Variants in ACAD11 observed in about 807,000 individuals in gnomAD.
ACAD11 encodes the protein acyl-CoA dehydrogenase family member 11.
ACAD11 carries 83 observed loss-of-function variants against 102.2 expected under a neutral mutation model. That is an observed-to-expected ratio of 0.81 (90% CI 0.68 to 0.97). The LOEUF (loss-of-function observed/expected upper bound fraction) is 0.97, where lower values mean the gene tolerates loss of function less well. Among genes scored for constraint, ACAD11 ranks in the 50% least tolerant of loss-of-function variants. ACAD11 has a pLI of 0.00. For synonymous variants in ACAD11, 324 were observed against 319.8 expected (o/e 1.01, Z -0.14); for missense variants, 901 against 951.7 (o/e 0.95, Z 0.70).
At chr3:132,578,156 C>T (rs1019577636) in intron 15 of ACAD11, among the ~76,000 whole-genome samples, 1 of 152,052 alleles carries the variant, frequency 6.6e-6, no homozygotes, top group Admixed American at 6.6e-5. Context: ...GTCAGGAGTT[C>T]GAGACCAGCC....
chr3:132,594,172 T>A (rs1938201393), intron 13 of ACAD11, among the ~76,000 whole-genome samples: 1 of 152,170 alleles, frequency 6.6e-6, no homozygotes, highest in Admixed American at 6.5e-5. Context: ...AAGGGCTTTG[T>A]ATGTGTCTGA....
At chr3:132,559,175 C>G (rs1936973329) in intron 19 of ACAD11, 90 bp from the exon 20 acceptor site, 1 of 893,596 alleles carries the variant, frequency 1.1e-6, no homozygotes, top group African/African-American at 1.7e-5. Context: ...TCAACCAAGA[C>G]TATATTAATT....
At chr3:132,567,826 A>G (rs780207438) in intron 17 of ACAD11, among the ~76,000 whole-genome samples, 3 of 152,192 alleles carry the variant, frequency 2.0e-5, no homozygotes, top group African/African-American at 4.8e-5. Flanking sequence ...GTCAGTTCTC[A>G]CCTCTCTTAT....
intron 17 of ACAD11, among the ~76,000 whole-genome samples, chr3:132,573,375 A>C (rs1164380766): frequency 1.3e-5 from 2 of 152,186 alleles, no homozygotes; most frequent in Non-Finnish European, 2.9e-5. Flanking sequence ...TAAATATTAA[A>C]ATATAAAGTA....
chr3:132,630,533 A>C lies in ACAD11; in HGVS notation c.867T>G (p.Ile289Met). 1 of 1,611,906 alleles carries C rather than the reference A, an allele frequency of 6.2e-7. No individual in the cohort carries two copies. Among genetic ancestry groups the C allele is most frequent in the Non-Finnish European group, 8.5e-7 (1 of 1,178,950 alleles). Residue 289 changes from isoleucine (I) to methionine (M), a missense_variant, in exon 7 of 20, where the codon ATT becomes ATG. By Grantham distance (10) the Ile-to-Met change is conservative. Transcript: ENST00000264990. Reference protein sequence around the residue: ...NSGIPSMEELISIYCRCRGIN... With the variant: ...NSGIPSMEELMSIYCRCRGIN... ...TTCCCCTGCAGCGGCAATATATTGAAATCAGTTCTTCCATTGATGGTATCC... is the reference window on the plus strand; with the variant it reads ...TTCCCCTGCAGCGGCAATATATTGACATCAGTTCTTCCATTGATGGTATCC...
intron 9 of ACAD11, 78 bp from the exon 10 acceptor site, chr3:132,619,623 A>G (rs1367761354): frequency 4.1e-6 from 3 of 739,218 alleles, no homozygotes; most frequent in Non-Finnish European, 6.6e-6. Context: ...GCTAATATCT[A>G]AAATAAACAT....
At position 132,639,521 on chromosome 3, in the gene ACAD11, G is replaced by C; in HGVS notation, c.673C>G (p.Leu225Val). 3 of 1,613,816 alleles carry C rather than the reference G, an allele frequency of 1.9e-6. No individual in the cohort carries two copies. Among genetic ancestry groups the C allele is most frequent in the Non-Finnish European group, 2.5e-6 (3 of 1,179,912 alleles). The change falls in exon 5 of 20, where the codon CTA becomes GTA. Residue 225 changes from leucine to valine, a missense_variant. Transcript: ENST00000264990. ...TTAGGGTGGAAAACTATGTTATCTA[G>C]TCTGAAATCTCCATGAATCAAATTC... ...EENLIHGDFR[L>V]DNIVFHPKEC... is the part of the protein sequence containing the mutation.
intron 9 of ACAD11, among the ~76,000 whole-genome samples, chr3:132,624,324 A>G (rs1255119395): frequency 1.3e-5 from 2 of 148,222 alleles, no homozygotes; most frequent in Non-Finnish European, 3.0e-5. Context: ...AAAAAAAAAA[A>G]GGCCGGGCGT....
rs772674624 is a variant in ACAD11 at position 132,575,943 on chromosome 3, A to C, written c.1847-17T>G. On this transcript the variant is annotated splice_polypyrimidine_tract_variant and intron_variant, in intron 16 of 19. Transcript: ENST00000264990. Reference sequence around the variant, plus strand: ...TACCTTCACCTGGGAAGAAAGGGGAAAAAAAGGGGGAATGTGAAAATGGCC... The same window carrying C: ...TACCTTCACCTGGGAAGAAAGGGGACAAAAAGGGGGAATGTGAAAATGGCC... The C allele has an allele frequency of 1.9e-6, 3 of 1,612,742 alleles. No homozygotes were observed. The highest frequency in any genetic ancestry group is 2.5e-6 in the Non-Finnish European group (3 of 1,179,030).
chr3:132,647,201 G>C (rs1009890241), intron 1 of ACAD11: 15 of 152,152 alleles, frequency 9.9e-5, no homozygotes, highest in African/African-American at 3.6e-4. Flanking sequence ...TTGCATGGGA[G>C]GATCATTGTC....
At chr3:132,605,074 G>A (rs1437045819) in intron 12 of ACAD11, 24 bp downstream of exon 12, 1 of 1,546,642 alleles carries the variant, frequency 6.5e-7, no homozygotes, top group Admixed American at 1.7e-5. Flanking sequence ...ACTACACAAG[G>A]AGAGAATGGT....
chr3:132,575,093 C>T (rs1457677492), intron 17 of ACAD11, among the ~76,000 whole-genome samples: 2 of 152,178 alleles, frequency 1.3e-5, no homozygotes, highest in East Asian at 1.9e-4. Flanking sequence ...GCAACCCACC[C>T]GCCTCGGTCT....
intron 11 of ACAD11, among the ~76,000 whole-genome samples, chr3:132,606,287 C>G (rs1203078987): frequency 6.6e-6 from 1 of 152,160 alleles, no homozygotes; most frequent in Non-Finnish European, 1.5e-5. Context: ...TCAACATTAA[C>G]AAAATTCCTT....
At chr3:132,631,050 G>A (rs938336648) in intron 6 of ACAD11, among the ~76,000 whole-genome samples, 1 of 152,086 alleles carries the variant, frequency 6.6e-6, no homozygotes, top group Non-Finnish European at 1.5e-5. Context: ...CAGCCCGGGT[G>A]ACAGAGCAAG....
At chr3:132,588,238 T>C (rs1251250762) in intron 13 of ACAD11, among the ~76,000 whole-genome samples, 1 of 150,348 alleles carries the variant, frequency 6.7e-6, no homozygotes, top group African/African-American at 2.5e-5. Context: ...TGTAGGTATT[T>C]TGTAGCTTTT....
At chr3:132,652,572 T>G (rs1387937094) in intron 1 of ACAD11, among the ~76,000 whole-genome samples, 4 of 152,190 alleles carry the variant, frequency 2.6e-5, no homozygotes, top group Non-Finnish European at 5.9e-5. Context: ...ATTTTTTTTT[T>G]GCTTACACTG....
intron 17 of ACAD11, 75 bp from the exon 18 acceptor site, chr3:132,561,292 A>T (rs757939501): frequency 5.4e-6 from 6 of 1,109,786 alleles, no homozygotes; most frequent in Admixed American, 3.4e-5. Context: ...ACACAGTCTT[A>T]TAGTTTGGTG....
chr3:132,649,442 G>A (rs1198250843), intron 1 of ACAD11, among the ~76,000 whole-genome samples: 1 of 152,216 alleles, frequency 6.6e-6, no homozygotes, highest in Admixed American at 6.5e-5. Context: ...AGATGTTTGG[G>A]TGGAGAAAAG....
At chr3:132,581,681 C>A (rs1349294085) in intron 13 of ACAD11, among the ~76,000 whole-genome samples, 5 of 151,912 alleles carry the variant, frequency 3.3e-5, no homozygotes, top group Admixed American at 3.3e-4. Context: ...CACAAGTGAA[C>A]TGTGGTCCAA....
Sources: gnomAD v4.1 joint callset for allele counts (sites outside exome capture counted in the v4.1 genomes callset) on GRCh38, gnomAD v4.1.1 for gene constraint, MANE v1.5 for transcripts, NCBI Gene and HGNC (gene_info 2026-07-23, HGNC 2026-07-21) for gene names.